Variants in SLIT3 observed in about 807,000 individuals in gnomAD.
SLIT3 encodes the protein slit guidance ligand 3, also known as slit homolog 3 protein.
In SLIT3, 68 loss-of-function variants were observed where a neutral mutation model predicts 184.0. The ratio of observed to expected loss-of-function variants is 0.37; its 90% confidence interval spans 0.30 to 0.45. The LOEUF (loss-of-function observed/expected upper bound fraction) is 0.45. SLIT3 is among the 20% of genes least tolerant of loss of function. The probability of loss-of-function intolerance (pLI) is 1.00; values close to 1 mark genes in which losing one functional copy is unlikely to be tolerated. For synonymous variants in SLIT3, 831 were observed against 828.6 expected (o/e 1.00, Z -0.05); for missense variants, 1,707 against 2,026.0 (o/e 0.84, Z 3.02).
intron 4 of SLIT3, among the ~76,000 whole-genome samples, chr5:168,975,193 G>A (rs1754706804): frequency 6.6e-6 from 1 of 151,546 alleles, no homozygotes; most frequent in Admixed American, 6.6e-5. Flanking sequence ...TACACAGGTG[G>A]AGGTGGAGGA....
At chr5:168,740,890 C>A (rs780657175) in intron 20 of SLIT3, among the ~76,000 whole-genome samples, 4 of 152,222 alleles carry the variant, frequency 2.6e-5, no homozygotes, top group Non-Finnish European at 5.9e-5. Context: ...TGTCCTTTGA[C>A]ATGTGTCACT....
rs757441155 is a variant in SLIT3 at position 169,244,737 on chromosome 5, G to A, written c.309C>T (p.Gly103=). Residue 103 remains glycine (G), a synonymous_variant, in exon 3 of 36, where the codon GGC becomes GGT. Coordinates refer to ENST00000519560, the MANE Select transcript of SLIT3 (RefSeq NM_003062.4). ...CTAGCTGCTTCAGGTCCTGGAAGGC[G>A]CCTCTCTCGATGACGCTGACCTGGT... ...EDNQVSVIER[G]AFQDLKQLER... The A allele has an allele frequency of 1.2e-5, 20 of 1,613,926 alleles. No homozygotes were observed. Among genetic ancestry groups the A allele is most frequent in the Middle Eastern group, 1.7e-4 (1 of 6,060 alleles).
intron 16 of SLIT3, among the ~76,000 whole-genome samples, chr5:168,757,496 G>T (rs561097061): frequency 3.3e-5 from 5 of 151,368 alleles, no homozygotes; most frequent in Admixed American, 6.6e-5. Context: ...TGCAGTGGTG[G>T]GATCTCGGCT....
At chr5:169,132,790 G>A (rs1049669320) in intron 4 of SLIT3, among the ~76,000 whole-genome samples, 6 of 148,130 alleles carry the variant, frequency 4.1e-5, no homozygotes, top group Admixed American at 6.7e-5. Flanking sequence ...TCTAGCTCTG[G>A]GAAGATTCCC....
At chr5:168,918,251 T>A (rs1009157540) in intron 4 of SLIT3, among the ~76,000 whole-genome samples, 1 of 152,218 alleles carries the variant, frequency 6.6e-6, no homozygotes, top group Non-Finnish European at 1.5e-5. Context: ...AAAATGAAGC[T>A]GCATTTAAAA....
At chr5:169,203,438 C>T (rs1763967703) in intron 3 of SLIT3, among the ~76,000 whole-genome samples, 2 of 151,696 alleles carry the variant, frequency 1.3e-5, no homozygotes, top group African/African-American at 4.8e-5. Flanking sequence ...AACTTCAGAG[C>T]TGGCCAGATC....
At chr5:169,229,594 C>A (rs980919313) in intron 3 of SLIT3, among the ~76,000 whole-genome samples, 3 of 151,790 alleles carry the variant, frequency 2.0e-5, no homozygotes, top group African/African-American at 7.3e-5. Context: ...AAGAGATGGA[C>A]TAAAGCCAAT....
intron 4 of SLIT3, among the ~76,000 whole-genome samples, chr5:169,040,997 G>A (rs936047731): frequency 6.6e-6 from 1 of 152,328 alleles, no homozygotes; most frequent in African/African-American, 2.4e-5. Flanking sequence ...ACAATATGAA[G>A]AGAGTTGCAA....
intron 4 of SLIT3, among the ~76,000 whole-genome samples, chr5:169,189,359 G>A (rs1337791398): frequency 6.6e-6 from 1 of 151,764 alleles, no homozygotes; most frequent in African/African-American, 2.4e-5. Context: ...ACACAGATGT[G>A]TACTGAGTCC....
In SLIT3 at chr5:168,845,910, T is replaced by A. The variant is rs373476034; in HGVS notation, c.486-1255A>T. Among the ~76,000 whole-genome samples, 8 of 152,152 alleles carry A rather than the reference T, an allele frequency of 5.3e-5. No homozygotes were observed. The East Asian group carries it at 9.7e-4, about 18-fold the overall frequency. On this transcript the variant is annotated intron_variant, in intron 5 of 35. Transcript: ENST00000519560. ...CTTTTAATCTTCTCCACCTCTCAGG[T>A]GGAGGGATTTCCTGGTGTTGGAATT... is the stretch of plus-strand genomic sequence containing the variant.
At chr5:169,079,053 G>T (rs1310500671) in intron 4 of SLIT3, among the ~76,000 whole-genome samples, 25 of 152,172 alleles carry the variant, frequency 1.6e-4, no homozygotes, top group Admixed American at 1.6e-3. Flanking sequence ...TCTGCCTTTA[G>T]CTCCCTAAAC....
At chr5:169,271,542 G>T (rs1766614196) in intron 1 of SLIT3, among the ~76,000 whole-genome samples, 1 of 152,176 alleles carries the variant, frequency 6.6e-6, no homozygotes, top group African/African-American at 2.4e-5. Context: ...GGGGTAGAGG[G>T]TTTCAGGAAG....
chr5:168,749,940 C>T (rs569944292), intron 18 of SLIT3, among the ~76,000 whole-genome samples: 35 of 152,174 alleles, frequency 2.3e-4, no homozygotes, highest in Non-Finnish European at 4.4e-4. Context: ...TTGCTGGGAA[C>T]CCGTATCTTT....
At position 168,722,923 on chromosome 5, in the gene SLIT3, G is replaced by C. The variant is rs778726331; in HGVS notation, c.2411+10C>G. The C allele has an allele frequency of 6.2e-7, 1 of 1,601,720 alleles. No individual in the cohort carries two copies. The highest frequency in any genetic ancestry group is 1.7e-5 in the Admixed American group (1 of 60,012). On this transcript the variant is annotated intron_variant, in intron 22 of 35. Transcript: ENST00000519560. ...AGGGCATGGTAAACACAGCATCTCA[G>C]TGTACTCACAGAGTGGAGAGGTGAG...
rs376965046 is a variant in SLIT3 at position 168,905,376 on chromosome 5, CCTT to C, written c.414-22043_414-22041del. 4.8e-3 allele frequency among the ~76,000 whole-genome samples: 736 copies of C among 152,270 alleles called. 6 individuals carry two copies. The highest frequency in any genetic ancestry group is 0.017 in the African/African-American group (698 of 41,550). The stretch of plus-strand genomic sequence containing the variant: ...AACACCTGTATGCTTGCTGGTGCAG[CCTT>C]CTTCTTTTGAAAATTGTTTTTTCAT... On this transcript the variant is annotated intron_variant, in intron 4 of 35. Coordinates refer to ENST00000519560, the MANE Select transcript of SLIT3 (RefSeq NM_003062.4).
intron 8 of SLIT3, among the ~76,000 whole-genome samples, chr5:168,807,723 A>G (rs1757019332): frequency 6.6e-6 from 1 of 152,138 alleles, no homozygotes; most frequent in African/African-American, 2.4e-5. Flanking sequence ...TAAACACAGA[A>G]CATGAAAAAA....
At chr5:168,880,131 A>G (rs1483921055) in intron 5 of SLIT3, among the ~76,000 whole-genome samples, 1 of 152,158 alleles carries the variant, frequency 6.6e-6, no homozygotes, top group African/African-American at 2.4e-5. Flanking sequence ...CTCTCTCCCA[A>G]GAGACAGCGT....
chr5:169,115,300 T>C (rs912084102), intron 4 of SLIT3, among the ~76,000 whole-genome samples: 4 of 152,080 alleles, frequency 2.6e-5, no homozygotes, highest in African/African-American at 7.2e-5. Flanking sequence ...AACACAGGGA[T>C]TGGGAAACAG....
intron 4 of SLIT3, among the ~76,000 whole-genome samples, chr5:168,900,009 C>A (rs1441836605): frequency 6.6e-6 from 1 of 152,158 alleles, no homozygotes; most frequent in Non-Finnish European, 1.5e-5. Flanking sequence ...AGACATTTTG[C>A]AAAATAAGGC....
Sources: allele counts gnomAD v4.1 joint callset (sites outside exome capture counted in the v4.1 genomes callset), GRCh38; gene constraint gnomAD v4.1.1; transcripts MANE v1.5; gene names NCBI Gene and HGNC (gene_info 2026-07-23, HGNC 2026-07-21).